The following TRIM2 variants were observed in gnomAD, a reference collection of about 807,000 sequenced individuals.
The protein encoded by TRIM2 is tripartite motif containing 2.
A neutral mutation model predicts 75.2 loss-of-function variants in TRIM2; 20 were observed. That is an observed-to-expected ratio of 0.27 (90% CI 0.19 to 0.39). The LOEUF (loss-of-function observed/expected upper bound fraction) is 0.39. Ranked by LOEUF, TRIM2 falls within the 10% of genes least tolerant of loss-of-function variation. TRIM2 has a pLI of 1.00. For synonymous variants in TRIM2, 373 were observed against 388.3 expected (o/e 0.96, Z 0.46); for missense variants, 660 against 990.8 (o/e 0.67, Z 4.48).
At chr4:153,312,720 G>A (rs1411591189) in intron 6 of TRIM2, among the ~76,000 whole-genome samples, 1 of 152,048 alleles carries the variant, frequency 6.6e-6, no homozygotes, top group Non-Finnish European at 1.5e-5. Flanking sequence ...TATATCCAAA[G>A]GACTATAAAT....
intron 1 of TRIM2, among the ~76,000 whole-genome samples, chr4:153,258,869 T>G (rs1466612836): frequency 6.6e-6 from 1 of 152,186 alleles, no homozygotes; most frequent in East Asian, 1.9e-4. Flanking sequence ...CTTTCATTAT[T>G]TCAGGCAGAG....
Position 153,273,524 on chromosome 4 carries a change from C to A in TRIM2, c.216-2369C>A, listed in dbSNP as rs1181305474. ...TAGCCAGGATGGTCTCGATCTCCTG[C>A]CCTCGTGATCCACCCGCCTTGGCCT... On this transcript the variant is annotated intron_variant, in intron 2 of 11. Coordinates refer to ENST00000338700, the MANE Select transcript of TRIM2 (RefSeq NM_015271.5). Among the ~76,000 whole-genome samples, 5 of 146,684 alleles carry A rather than the reference C, an allele frequency of 3.4e-5. 1 individual carries two copies. Among genetic ancestry groups the A allele is most frequent in the Middle Eastern group, 6.8e-3 (2 of 296 alleles).
At chr4:153,200,724 A>AATATATATAT (rs1328920767), upstream of TRIM2, among the ~76,000 whole-genome samples, 1 of 138,144 alleles carries the variant, frequency 7.2e-6, no homozygotes, top group African/African-American at 2.7e-5. Flanking sequence ...AAGAAAAAAA[A>AATATATATAT]ATATATATAT....
At chr4:153,314,941 C>A (rs1421657542) in intron 6 of TRIM2, among the ~76,000 whole-genome samples, 3 of 152,134 alleles carry the variant, frequency 2.0e-5, no homozygotes, top group African/African-American at 7.2e-5. Flanking sequence ...GGGCAAGGCC[C>A]CTTTGCCAGG....
chr4:153,302,817 G>A (rs1764197017), intron 6 of TRIM2, among the ~76,000 whole-genome samples: 1 of 152,050 alleles, frequency 6.6e-6, no homozygotes, highest in Non-Finnish European at 1.5e-5. Context: ...CTTATGCCTG[G>A]GTCTTATTAC....
chr4:153,229,885 C>T (rs968230112), intron 1 of TRIM2, among the ~76,000 whole-genome samples: 1 of 152,178 alleles, frequency 6.6e-6, no homozygotes, highest in Non-Finnish European at 1.5e-5. Context: ...CATTTTCTCT[C>T]GTTCAAGTCC....
At chr4:153,196,537 TGAATCCATACATGGA>T (rs1733798282) in intron 1 of TRIM2, among the ~76,000 whole-genome samples, 1 of 152,206 alleles carries the variant, frequency 6.6e-6, no homozygotes, top group East Asian at 1.9e-4. Context: ...GAGGATTCAA[TGAATCCATACATGGA>T]AATGCTTTAG....
At chr4:153,210,071 T>A (rs1736558638) in intron 1 of TRIM2, among the ~76,000 whole-genome samples, 1 of 147,210 alleles carries the variant, frequency 6.8e-6, no homozygotes, top group South Asian at 2.2e-4. Flanking sequence ...TTTTTTTTTT[T>A]TTTTTTTTTT....
chr4:153,212,638 G>C (rs1157829166), intron 1 of TRIM2, among the ~76,000 whole-genome samples: 1 of 152,092 alleles, frequency 6.6e-6, no homozygotes, highest in Non-Finnish European at 1.5e-5. Context: ...CCTGGGCAAC[G>C]AAGTGAGACT....
At chr4:153,229,431 A>AT (rs1743023093) in intron 1 of TRIM2, among the ~76,000 whole-genome samples, 1 of 151,946 alleles carries the variant, frequency 6.6e-6, no homozygotes, top group Non-Finnish European at 1.5e-5. Context: ...TAATTTTTGT[A>AT]TTTTTTGGTA....
chr4:153,210,687 G>C (rs1736743350), intron 1 of TRIM2, among the ~76,000 whole-genome samples: 1 of 152,170 alleles, frequency 6.6e-6, no homozygotes, highest in Non-Finnish European at 1.5e-5. Context: ...AGCAATCAGT[G>C]ATTTCTTAGA....
Position 153,295,854 on chromosome 4 carries a change from C to T in TRIM2, c.1328C>T (p.Pro443Leu). The T allele has an allele frequency of 6.2e-7, 1 of 1,614,068 alleles. No individual in the cohort carries two copies. Among genetic ancestry groups the T allele is most frequent in the East Asian group, 2.2e-5 (1 of 44,870 alleles). The change falls in exon 6 of 12, where the codon CCG becomes CTG. Residue 443 changes from proline (P) to leucine (L), a missense_variant. Pro to Leu is a moderately conservative substitution (Grantham distance 98). This residue lies in a region of TRIM2 where 620 missense variants were observed against 891.0 expected (regional missense o/e 0.70). Transcript: ENST00000338700. The surrounding 1 kb of genome is among the most constrained non-coding windows in gnomAD (Gnocchi z 7.2). ...RLYDQHIRGSPFKLKVIRSAD... is the reference protein window; with the variant it reads ...RLYDQHIRGSLFKLKVIRSAD... ...TATGACCAGCACATCCGAGGCAGCC[C>T]GTTTAAGCTGAAAGTGATCCGATCC...
At chr4:153,240,991 C>T (rs534664839) in intron 1 of TRIM2, among the ~76,000 whole-genome samples, 4 of 152,150 alleles carry the variant, frequency 2.6e-5, no homozygotes, top group Admixed American at 6.5e-5. Flanking sequence ...GCAGGAGAAT[C>T]GCTTGAACCT....
intron 1 of TRIM2, among the ~76,000 whole-genome samples, chr4:153,174,777 A>T (rs1007331451): frequency 6.6e-6 from 1 of 152,240 alleles, no homozygotes; most frequent in Non-Finnish European, 1.5e-5. Context: ...GGTCATTAAC[A>T]AGCCTAGTTC....
In TRIM2 at chr4:153,336,382, A is replaced by T; in HGVS notation, c.*1416A>T. On this transcript the variant is annotated 3_prime_UTR_variant, in exon 12 of 12. Transcript: ENST00000338700. ...AACAAAAAAAAAACCACACACACAC[A>T]TAAAAAACCCAACAGGTCAAAATAA... 1.0e-6 allele frequency: 1 copy of T among 985,006 alleles called. No individual in the cohort carries two copies. Among genetic ancestry groups the T allele is most frequent in the Non-Finnish European group, 1.2e-6 (1 of 829,558 alleles). 61.0% of individuals were successfully genotyped at this position (985,006 alleles called of 1,614,324 possible).
chr4:153,187,597 G>T (rs1732733322), intron 1 of TRIM2, among the ~76,000 whole-genome samples: 1 of 152,166 alleles, frequency 6.6e-6, no homozygotes, highest in Non-Finnish European at 1.5e-5. Context: ...CCAGCTGTTG[G>T]GGCAAGAATG....
chr4:153,317,627 G>C (rs1579667926), intron 8 of TRIM2, among the ~76,000 whole-genome samples: 1 of 150,342 alleles, frequency 6.7e-6, no homozygotes, highest in East Asian at 2.0e-4. Context: ...TCCAGCCTGG[G>C]CGACAAAGCA....
chr4:153,327,713 T>C (rs1303704205), intron 10 of TRIM2, among the ~76,000 whole-genome samples: 1 of 152,204 alleles, frequency 6.6e-6, no homozygotes, highest in African/African-American at 2.4e-5. Flanking sequence ...TAGCACTCTA[T>C]TAATAAGAAT....
At chr4:153,205,912 C>G (rs1162921176) in intron 1 of TRIM2, among the ~76,000 whole-genome samples, 1 of 152,176 alleles carries the variant, frequency 6.6e-6, no homozygotes, top group African/African-American at 2.4e-5. Flanking sequence ...TCTCCTGGTG[C>G]GGTCCTAGAG....
Sources: allele counts gnomAD v4.1 joint callset (sites outside exome capture counted in the v4.1 genomes callset), GRCh38; gene constraint gnomAD v4.1.1; regional missense constraint gnomAD v4.1.1; non-coding constraint Gnocchi (gnomAD v3.1); transcripts MANE v1.5; gene names NCBI Gene and HGNC (gene_info 2026-07-23, HGNC 2026-07-21).